Variants in VPS54 observed in about 807,000 individuals in gnomAD.
VPS54 encodes VPS54 subunit of GARP complex, also known as vacuolar protein sorting-associated protein 54.
VPS54 carries 45 observed loss-of-function variants against 121.5 expected under a neutral mutation model. The observed-to-expected ratio is 0.37, with a 90% CI of 0.29 to 0.47. The LOEUF is 0.47. Ranked by LOEUF, VPS54 falls within the 20% of genes least tolerant of loss-of-function variation. The pLI is 0.99. For synonymous variants in VPS54, 371 were observed against 385.8 expected, an observed-to-expected ratio of 0.96 and a Z score of 0.45; for missense variants, 1,090 against 1,131.4, an observed-to-expected ratio of 0.96 and a Z score of 0.52.
At chr2:63,926,850 G>C (rs553362924) in intron 12 of VPS54, among the ~76,000 whole-genome samples, 1 of 152,124 alleles carries the variant, frequency 6.6e-6, no homozygotes, top group South Asian at 2.1e-4. Context: ...TGCCTGGCTC[G>C]GTGGGTCCCA....
intron 1 of VPS54, among the ~76,000 whole-genome samples, chr2:63,986,565 A>G (rs1677062900): frequency 6.6e-6 from 1 of 152,244 alleles, no homozygotes; most frequent in Non-Finnish European, 1.5e-5. Context: ...TGCTGCAATA[A>G]ATATGGATAT....
intron 3 of VPS54, among the ~76,000 whole-genome samples, chr2:63,972,872 T>C (rs1003069338): frequency 6.7e-6 from 1 of 148,896 alleles, no homozygotes; most frequent in East Asian, 2.0e-4. Context: ...AGTGAGACTC[T>C]ATCACAAAAA....
chr2:63,974,601 A>T (rs1676434270), intron 3 of VPS54, among the ~76,000 whole-genome samples: 1 of 152,190 alleles, frequency 6.6e-6, no homozygotes, highest in Non-Finnish European at 1.5e-5. Flanking sequence ...TTATTTAGAT[A>T]TTTAATTTCT....
At chr2:64,007,023 C>G (rs1559055334) in intron 1 of VPS54, among the ~76,000 whole-genome samples, 1 of 152,180 alleles carries the variant, frequency 6.6e-6, no homozygotes, top group Non-Finnish European at 1.5e-5. Context: ...CCTCTTCTGG[C>G]GTCCTTTTCT....
intron 12 of VPS54, among the ~76,000 whole-genome samples, chr2:63,928,464 ATTT>A (rs1430147432): frequency 6.6e-6 from 1 of 152,144 alleles, no homozygotes; most frequent in African/African-American, 2.4e-5. Flanking sequence ...ATGCTGAGAG[ATTT>A]TTGTCACCAC....
At chr2:63,944,523 C>G in intron 10 of VPS54, 77 bp downstream of exon 10, 2 of 1,393,158 alleles carry the variant, frequency 1.4e-6, no homozygotes, top group Non-Finnish European at 2.0e-6. Flanking sequence ...TTAACGAAAT[C>G]TACTTCGAAT....
chr2:63,974,892 C>T, intron 3 of VPS54: 1 of 1,341,566 alleles, frequency 7.5e-7, no homozygotes, highest in Non-Finnish European at 1.0e-6. Flanking sequence ...TTTACTTCTT[C>T]CTAATTTTTA....
intron 3 of VPS54, among the ~76,000 whole-genome samples, chr2:63,973,309 C>G (rs1157677235): frequency 6.6e-6 from 1 of 152,138 alleles, no homozygotes; most frequent in Non-Finnish European, 1.5e-5. Context: ...TGCTTATTTG[C>G]CATCTGCATT....
At chr2:64,006,961 A>G (rs1468543816) in intron 1 of VPS54, among the ~76,000 whole-genome samples, 2 of 152,194 alleles carry the variant, frequency 1.3e-5, no homozygotes, top group African/African-American at 4.8e-5. Context: ...TAACATTTCA[A>G]CTGTGCCATG....
Position 63,972,204 on chromosome 2 carries a change from G to A in VPS54, c.419C>T (p.Pro140Leu), listed in dbSNP as rs377413431. Residue 140 changes from proline (P) to leucine (L), a missense_variant, in exon 4 of 23, where the codon CCT becomes CTT. Physicochemically the swap from Pro to Leu is moderately conservative, Grantham distance 98. This residue lies in a region of VPS54 where 801 missense variants were observed against 757.0 expected (regional missense o/e 1.06). Transcript: ENST00000272322. ...AAGAGTCCTTTCGAAGGTATCTTTA[G>A]GAGGACAAATATTCTTGCATCTCTC... Reference protein sequence around the residue: ...IHERCKNICPPKDTFERTLLH... With the variant: ...IHERCKNICPLKDTFERTLLH... 19 of 1,595,800 alleles carry A rather than the reference G, an allele frequency of 1.2e-5. No individual in the cohort carries two copies. Among genetic ancestry groups the A allele is most frequent in the Non-Finnish European group, 1.5e-5 (18 of 1,167,738 alleles).
intron 14 of VPS54, 129 bp downstream of exon 14, chr2:63,920,317 C>A: frequency 1.2e-6 from 1 of 801,902 alleles, no homozygotes; most frequent in Non-Finnish European, 1.7e-6. Flanking sequence ...ATTCCACAAT[C>A]TGCCTTTAAT....
intron 10 of VPS54, 92 bp from the exon 11 acceptor site, chr2:63,942,653 T>C (rs1296712771): frequency 9.3e-6 from 10 of 1,075,984 alleles, no homozygotes; most frequent in Admixed American, 3.4e-5. Flanking sequence ...CTAAATACTA[T>C]CTAGTGATAA....
intron 20 of VPS54, among the ~76,000 whole-genome samples, chr2:63,902,799 C>T (rs184205538): frequency 1.3e-5 from 2 of 152,212 alleles, no homozygotes; most frequent in Admixed American, 1.3e-4. Context: ...AAAACCCCAT[C>T]TCTACTAAAA....
At chr2:63,920,282 T>C (rs1329285044) in intron 14 of VPS54, among the ~76,000 whole-genome samples, 164 bp downstream of exon 14, 1 of 152,148 alleles carries the variant, frequency 6.6e-6, no homozygotes, top group East Asian at 1.9e-4. Flanking sequence ...AACTCCACTT[T>C]GAAAAGCCAA....
intron 11 of VPS54, 137 bp from the exon 12 acceptor site, chr2:63,934,150 C>T: frequency 2.7e-6 from 2 of 731,384 alleles, no homozygotes; most frequent in African/African-American, 1.8e-5. Flanking sequence ...AGAATTTCTA[C>T]CGATCTTTTA....
rs376156019 is a variant in VPS54, at chr2:63,968,837, C to T, written c.492+120G>A. 1.3e-4 allele frequency: 100 copies of T among 772,414 alleles called. No individual in the cohort carries two copies. The African/African-American group carries it at 1.6e-3, about 13-fold the overall frequency. 47.8% of individuals were successfully genotyped at this position (772,414 alleles called of 1,614,324 possible). A position where few individuals can be genotyped will look rare whatever the true frequency, so the allele number is the denominator to read the frequency against. On this transcript the variant is annotated intron_variant, in intron 5 of 22. Coordinates refer to ENST00000272322, the MANE Select transcript of VPS54 (RefSeq NM_016516.3). ...GAAGAAAAGTGATGCAACACAGCCC[C>T]ACAAGAGACAAAGTAGCCAAAGGGT...
chr2:63,962,248 A>T lies in VPS54; in HGVS notation c.820T>A (p.Leu274Ile). ...KVMCEGSLHI[L>I]RLALTRNNCV... Reference sequence around the variant, plus strand: ...TTATTTCTGGTAAGTGCCAGTCTTAAAATGTGGAGTGATCCTTCACACATT... The same window carrying T: ...TTATTTCTGGTAAGTGCCAGTCTTATAATGTGGAGTGATCCTTCACACATT... Residue 274 changes from leucine to isoleucine, a missense_variant, in exon 7 of 23, where the codon TTA (leucine) becomes ATA (isoleucine). Around this residue, in one of 2 missense-constraint regions of VPS54, gnomAD observed 801 missense variants for 757.0 expected, o/e 1.06. Coordinates refer to ENST00000272322, the MANE Select transcript of VPS54 (RefSeq NM_016516.3). 6.2e-7 allele frequency: 1 copy of T among 1,614,054 alleles called. No individual in the cohort carries two copies. The highest frequency in any genetic ancestry group is 1.3e-5 in the African/African-American group (1 of 75,050).
intron 1 of VPS54, among the ~76,000 whole-genome samples, chr2:64,000,591 G>A (rs958905986): frequency 2.0e-5 from 3 of 152,238 alleles, no homozygotes; most frequent in African/African-American, 7.2e-5. Flanking sequence ...ATCTGCTTTA[G>A]GGGGCACCCC....
At chr2:63,995,729 C>T (rs1474399055) in intron 1 of VPS54, among the ~76,000 whole-genome samples, 4 of 152,248 alleles carry the variant, frequency 2.6e-5, no homozygotes, top group Non-Finnish European at 5.9e-5. Context: ...CATGCAAATG[C>T]AGTGCGACTG....
Sources: gnomAD v4.1 joint callset for allele counts (sites outside exome capture counted in the v4.1 genomes callset) on GRCh38, gnomAD v4.1.1 for gene constraint, gnomAD v4.1.1 regional missense constraint, MANE v1.5 for transcripts, NCBI Gene and HGNC (gene_info 2026-07-23, HGNC 2026-07-21) for gene names.